Variants in DPP6 observed in about 807,000 individuals in gnomAD.
The protein encoded by DPP6 is dipeptidyl peptidase like 6, also known as A-type potassium channel modulatory protein DPP6.
A neutral mutation model predicts 122.6 loss-of-function variants in DPP6; 69 were observed. That is an observed-to-expected ratio of 0.56 (90% CI 0.46 to 0.69). DPP6 has a LOEUF of 0.69. Among genes scored for constraint, DPP6 ranks in the 30% least tolerant of loss-of-function variants. DPP6 has a pLI of 0.00. For synonymous variants in DPP6, 418 were observed against 433.1 expected, an observed-to-expected ratio of 0.97 and a Z score of 0.43; for missense variants, 928 against 1,116.9, an observed-to-expected ratio of 0.83 and a Z score of 2.41.
chr7:154,260,403 A>C (rs930976433), intron 1 of DPP6, among the ~76,000 whole-genome samples: 2 of 152,036 alleles, frequency 1.3e-5, no homozygotes, highest in Non-Finnish European at 2.9e-5. Flanking sequence ...CCCAAGCAGT[A>C]TACACTGCAC....
rs1801623916 is a variant in DPP6 at position 154,241,628 on chromosome 7, T to C, written c.243+188565T>C. Among the ~76,000 whole-genome samples the C allele has an allele frequency of 6.6e-6, 1 of 152,200 alleles. No individual in the cohort carries two copies. On this transcript the variant is annotated intron_variant, in intron 1 of 25. Coordinates refer to ENST00000377770, the MANE Select transcript of DPP6 (RefSeq NM_130797.4). This position sits in a 1 kb window ranked among gnomAD's most constrained non-coding sequence, Gnocchi z 9.0. The stretch of plus-strand genomic sequence containing the variant: ...CAAAATGCCTCCCTATTTATTCTTA[T>C]ATTGATTAATGTATTCTTCCTCAAA...
chr7:154,503,943 C>T (rs79702473), intron 3 of DPP6, among the ~76,000 whole-genome samples: 3,632 of 152,158 alleles, frequency 0.024, 56 homozygotes, highest in Non-Finnish European at 0.037. Flanking sequence ...GCACATGTAC[C>T]CTGAAACTTA....
intron 10 of DPP6, among the ~76,000 whole-genome samples, chr7:154,776,710 A>C (rs372639438): frequency 1.3e-4 from 20 of 152,314 alleles, no homozygotes; most frequent in African/African-American, 4.8e-4. Context: ...AGATATCTTC[A>C]GTTGTGCTGG....
chr7:154,641,001 G>A (rs914500742), intron 6 of DPP6, among the ~76,000 whole-genome samples: 2 of 151,942 alleles, frequency 1.3e-5, no homozygotes, highest in African/African-American at 4.8e-5. Context: ...CAGAGAAAAT[G>A]GTCTAATTAA....
At chr7:154,177,958 A>G (rs1440315733) in intron 1 of DPP6, among the ~76,000 whole-genome samples, 1 of 152,180 alleles carries the variant, frequency 6.6e-6, no homozygotes, top group East Asian at 1.9e-4. Flanking sequence ...TGGGTGAGGC[A>G]GGAACATTGT....
chr7:154,330,827 C>G (rs1808863394), intron 1 of DPP6, among the ~76,000 whole-genome samples: 1 of 152,180 alleles, frequency 6.6e-6, no homozygotes, highest in South Asian at 2.1e-4. Context: ...ACAAATGCAT[C>G]TACCTTTCTG....
intron 1 of DPP6, among the ~76,000 whole-genome samples, chr7:153,925,967 T>C (rs1395282179): frequency 6.6e-6 from 1 of 152,200 alleles, no homozygotes; most frequent in East Asian, 1.9e-4. Flanking sequence ...TGATGATTCC[T>C]GCCGACCACA....
At chr7:154,512,685 G>A (rs1283663250) in intron 3 of DPP6, among the ~76,000 whole-genome samples, 1 of 149,078 alleles carries the variant, frequency 6.7e-6, no homozygotes, top group Non-Finnish European at 1.5e-5. Context: ...TGGAAATCAT[G>A]TGTAATGGGA....
At chr7:154,867,479 G>A (rs74737996) in intron 17 of DPP6, among the ~76,000 whole-genome samples, 19 of 152,330 alleles carry the variant, frequency 1.2e-4, no homozygotes, top group African/African-American at 3.6e-4. Flanking sequence ...TACAGTCACC[G>A]AAGTTAAGGT....
intron 10 of DPP6, 36 bp downstream of exon 10, chr7:154,772,978 A>G (rs1796337692): frequency 2.6e-6 from 4 of 1,523,122 alleles, no homozygotes; most frequent in African/African-American, 1.4e-5. Flanking sequence ...AAAAAAAAAA[A>G]AAAACTAAGA....
chr7:154,838,246 G>C (rs1212894939), intron 16 of DPP6: 1 of 152,236 alleles, frequency 6.6e-6, no homozygotes, highest in Non-Finnish European at 1.5e-5. Context: ...CAGAATGTTA[G>C]AGCAGAAAGA....
intron 3 of DPP6, among the ~76,000 whole-genome samples, chr7:154,484,523 G>A (rs1823619694): frequency 6.6e-6 from 1 of 152,218 alleles, no homozygotes; most frequent in South Asian, 2.1e-4. Context: ...CAGGCCTGGA[G>A]CTGATTGACA....
intron 1 of DPP6, among the ~76,000 whole-genome samples, chr7:153,922,148 C>T (rs1249809272): frequency 3.9e-5 from 6 of 152,214 alleles, no homozygotes; most frequent in African/African-American, 1.4e-4. Flanking sequence ...GGTAGAAACA[C>T]TTCCCACGCT....
chr7:154,699,914 G>T (rs114570366), intron 7 of DPP6, among the ~76,000 whole-genome samples: 1,552 of 152,308 alleles, frequency 0.01, 24 homozygotes, highest in African/African-American at 0.035. Flanking sequence ...GGGCTCTGGA[G>T]TCGGACAGCC....
chr7:154,668,897 A>G (rs1838368303), intron 6 of DPP6, among the ~76,000 whole-genome samples: 1 of 152,174 alleles, frequency 6.6e-6, no homozygotes, highest in South Asian at 2.1e-4. Flanking sequence ...TGTATCTGTC[A>G]ACACAAACCA....
chr7:153,905,065 C>T (rs1246211912), intron 1 of DPP6, among the ~76,000 whole-genome samples: 1 of 152,224 alleles, frequency 6.6e-6, no homozygotes, highest in African/African-American at 2.4e-5. Context: ...CATCTAGATT[C>T]TTCTTGGCCT....
chr7:154,198,626 T>C (rs577072216), intron 1 of DPP6, among the ~76,000 whole-genome samples: 71 of 152,284 alleles, frequency 4.7e-4, no homozygotes, highest in Non-Finnish European at 8.4e-4. Flanking sequence ...ACTTCACATA[T>C]TTTAAATTTA....
intron 1 of DPP6, among the ~76,000 whole-genome samples, chr7:153,925,790 C>A (rs1352846453): frequency 6.6e-6 from 1 of 152,212 alleles, no homozygotes; most frequent in African/African-American, 2.4e-5. Flanking sequence ...AAAGTGGCTT[C>A]CCTAATCTTT....
At chr7:154,827,547 G>A (rs531179801) in intron 16 of DPP6, among the ~76,000 whole-genome samples, 18 of 152,122 alleles carry the variant, frequency 1.2e-4, no homozygotes, top group East Asian at 3.9e-4. Context: ...GCAGCCTGTC[G>A]TGGGAAATCA....
Sources: gnomAD v4.1 joint callset for allele counts (sites outside exome capture counted in the v4.1 genomes callset) on GRCh38, gnomAD v4.1.1 for gene constraint, Gnocchi (gnomAD v3.1) non-coding constraint, MANE v1.5 for transcripts, NCBI Gene and HGNC (gene_info 2026-07-23, HGNC 2026-07-21) for gene names.